CLIP1: variants seen among roughly 807,000 people sequenced by gnomAD.
CLIP1 encodes CAP-Gly domain containing linker protein 1, also known as CAP-Gly domain-containing linker protein 1.
CLIP1 carries 66 observed loss-of-function variants against 161.6 expected under a neutral mutation model. The ratio of observed to expected loss-of-function variants is 0.41; its 90% CI spans 0.33 to 0.50. The LOEUF (loss-of-function observed/expected upper bound fraction) is 0.50. Ranked by LOEUF, CLIP1 falls within the 20% of genes least tolerant of loss-of-function variation. The pLI is 0.27. For missense variants in CLIP1, 1,376 were observed against 1,702.0 expected, an observed-to-expected ratio of 0.81 and a Z score of 3.37; for synonymous variants, 598 against 626.2, an observed-to-expected ratio of 0.96 and a Z score of 0.67.
chr12:122,345,366 G>T (rs1197738375), intron 10 of CLIP1, among the ~76,000 whole-genome samples: 1 of 151,296 alleles, frequency 6.6e-6, no homozygotes, highest in Non-Finnish European at 1.5e-5. Context: ...TCACCACCTT[G>T]CCCAGGCTGG....
rs139321433 is a variant in CLIP1 at position 122,341,311 on chromosome 12, G to A, written c.1893C>T (p.Ile631=). The change falls in exon 11 of 26, where the codon ATC becomes ATT. Residue 631 remains isoleucine (I), a synonymous_variant. Transcript: ENST00000620786. ...ALWKSKLETA[I]ASHQQAMEEL... Reference sequence around the variant, plus strand: ...CTTCCATCGCCTGCTGGTGGGATGCGATGGCAGTCTCCAGTTTGGACTTCC... The same window carrying A: ...CTTCCATCGCCTGCTGGTGGGATGCAATGGCAGTCTCCAGTTTGGACTTCC... 2.9e-5 allele frequency: 46 copies of A among 1,613,770 alleles called. No individual in the cohort carries two copies. In the East Asian group the frequency reaches 4.5e-4, roughly 16 times the overall value.
chr12:122,327,507 A>C lies in CLIP1; in HGVS notation c.3249+440T>G, dbSNP rs189231519. On this transcript the variant is annotated intron_variant, in intron 17 of 25. Coordinates refer to ENST00000620786, the MANE Select transcript of CLIP1 (RefSeq NM_001247997.2). Reference sequence around the variant, plus strand: ...CTAGAAGAGCTCTGTTCCTCCAACCAGGCTCTCTCTAGTCCTGATTCCTTG... The same window carrying C: ...CTAGAAGAGCTCTGTTCCTCCAACCCGGCTCTCTCTAGTCCTGATTCCTTG... 2.3e-3 allele frequency among the ~76,000 whole-genome samples: 357 copies of C among 152,210 alleles called. 1 individual carries two copies. The highest frequency in any genetic ancestry group is 8.5e-4 in the Non-Finnish European group (58 of 68,012).
In CLIP1 at chr12:122,296,830, C is replaced by T. The variant is rs987855778; in HGVS notation, c.3595-8289G>A. Among the ~76,000 whole-genome samples the T allele has an allele frequency of 3.7e-5, 5 of 135,832 alleles. No homozygotes were observed. In the East Asian group the frequency reaches 6.3e-4, roughly 17 times the overall value. The allele number at this position is 135,832 out of a possible 152,430, so 89.1% of individuals were successfully genotyped here. A position where few individuals can be genotyped will look rare whatever the true frequency, so the allele number is the denominator to read the frequency against. Reference sequence around the variant, plus strand: ...AGTAAGCTATGATCATGCCACTGCACGCTAGCCTGGGTGACAAAGTGAGAC... The same window carrying T: ...AGTAAGCTATGATCATGCCACTGCATGCTAGCCTGGGTGACAAAGTGAGAC... On this transcript the variant is annotated intron_variant, in intron 20 of 25. Coordinates refer to ENST00000620786, the MANE Select transcript of CLIP1 (RefSeq NM_001247997.2).
chr12:122,358,109 C>T (rs2136532837), intron 5 of CLIP1, among the ~76,000 whole-genome samples: 1 of 152,198 alleles, frequency 6.6e-6, no homozygotes, highest in African/African-American at 2.4e-5. Context: ...AATTCTTCTG[C>T]CTTGGGATCC....
chr12:122,413,874 G>GA (rs111689069), intron 1 of CLIP1, among the ~76,000 whole-genome samples: 103 of 135,340 alleles, frequency 7.6e-4, no homozygotes, highest in African/African-American at 8.1e-4. Flanking sequence ...GAGATTAAAA[G>GA]AAAAAAAAAA....
intron 2 of CLIP1, among the ~76,000 whole-genome samples, chr12:122,379,526 C>T (rs1954905663): frequency 6.6e-6 from 1 of 151,736 alleles, no homozygotes; most frequent in African/African-American, 2.4e-5. Flanking sequence ...AGAGCCATGA[C>T]AGTACCACTG....
chr12:122,303,757 T>G (rs761336725), intron 20 of CLIP1, among the ~76,000 whole-genome samples: 11 of 151,978 alleles, frequency 7.2e-5, no homozygotes, highest in Non-Finnish European at 1.2e-4. Flanking sequence ...TGATTGGAGG[T>G]GGTTATGTGA....
intron 21 of CLIP1, among the ~76,000 whole-genome samples, chr12:122,283,231 T>C (rs1334591667): frequency 6.6e-6 from 1 of 152,180 alleles, no homozygotes; most frequent in Non-Finnish European, 1.5e-5. Flanking sequence ...ATGCAAGGCA[T>C]ACCCTGCTTT....
At chr12:122,362,730 G>C (rs1289776464) in intron 4 of CLIP1, among the ~76,000 whole-genome samples, 1 of 27,594 alleles carries the variant, frequency 3.6e-5, no homozygotes, top group Non-Finnish European at 7.5e-5. Flanking sequence ...AAAAAAAAAA[G>C]ATAAAGTACT....
rs148523752 is a variant in CLIP1 at position 122,327,233 on chromosome 12, C to A, written c.3249+714G>T. ...GGCCAAGATGGGAGGACTGCTTGAG[C>A]CCAGGAGTTTGAGACCAGCCTGGGC... On this transcript the variant is annotated intron_variant, in intron 17 of 25. Transcript: ENST00000620786. Among the ~76,000 whole-genome samples the A allele has an allele frequency of 1.6e-3, 250 of 152,118 alleles. No individual in the cohort carries two copies. In the Middle Eastern group the frequency reaches 0.017, roughly 10 times the overall value.
chr12:122,346,110 C>T (rs1952734543), intron 10 of CLIP1, among the ~76,000 whole-genome samples: 1 of 152,136 alleles, frequency 6.6e-6, no homozygotes, highest in South Asian at 2.1e-4. Flanking sequence ...ACGCACAAAA[C>T]AACTTCCATA....
At chr12:122,368,291 A>T (rs1384992252) in intron 3 of CLIP1, among the ~76,000 whole-genome samples, 1 of 152,234 alleles carries the variant, frequency 6.6e-6, no homozygotes, top group Non-Finnish European at 1.5e-5. Context: ...GAAGATTCAG[A>T]CAAGAAATTC....
Position 122,363,942 on chromosome 12 carries a change from G to A in CLIP1, c.782+41C>T, listed in dbSNP as rs191778604. ...GTGAGACTGGCCTGAGCATCGTCAC[G>A]TACAAGAGTGACACAAGATGTTGCA... is the stretch of plus-strand genomic sequence containing the variant. On this transcript the variant is annotated intron_variant, in intron 4 of 25. Coordinates refer to ENST00000620786, the MANE Select transcript of CLIP1 (RefSeq NM_001247997.2). The A allele has an allele frequency of 1.6e-4, 260 of 1,612,812 alleles. No individual in the cohort carries two copies. The African/African-American group carries it at 2.3e-3, about 14-fold the overall frequency.
At chr12:122,353,169 C>T (rs973020182) in intron 7 of CLIP1, among the ~76,000 whole-genome samples, 3 of 151,982 alleles carry the variant, frequency 2.0e-5, no homozygotes, top group African/African-American at 7.3e-5. Context: ...CATGACGAGA[C>T]CTCATCTCCA....
chr12:122,412,255 AG>A (rs972273353), intron 1 of CLIP1, among the ~76,000 whole-genome samples: 21 of 150,972 alleles, frequency 1.4e-4, no homozygotes, highest in African/African-American at 4.6e-4. Flanking sequence ...GTAGAAATGG[AG>A]TTTTGCCATG....
chr12:122,356,393 C>G (rs138526012), intron 5 of CLIP1, among the ~76,000 whole-genome samples: 2 of 152,296 alleles, frequency 1.3e-5, no homozygotes, highest in East Asian at 3.9e-4. Flanking sequence ...GTCCTACAGT[C>G]CTTTCAATAA....
chr12:122,329,261 A>C lies in CLIP1; in HGVS notation c.2868-835T>G, dbSNP rs143612097. ...AGAACTGCTTGAGTCGGGTAGACAG[A>C]GGTTGCAGTGAGCCAAGATCGCATC... On this transcript the variant is annotated intron_variant, in intron 15 of 25. Coordinates refer to ENST00000620786, the MANE Select transcript of CLIP1 (RefSeq NM_001247997.2). Among the ~76,000 whole-genome samples, 559 of 152,266 alleles carry C rather than the reference A, an allele frequency of 3.7e-3. 3 individuals carry two copies. The highest frequency in any genetic ancestry group is 0.012 in the African/African-American group (515 of 41,546).
Position 122,355,370 on chromosome 12 carries a change from G to A in CLIP1, c.1006-58C>T. ...TGATGCTGTCAGAAAAGCGAGGGAG[G>A]CGCGATGCATGCATGGCGGGCATCT... On this transcript the variant is annotated intron_variant, in intron 5 of 25. Transcript: ENST00000620786. The surrounding 1 kb of genome is among the most constrained non-coding windows in gnomAD (Gnocchi z 4.1). 1 of 1,498,372 alleles carries A rather than the reference G, an allele frequency of 6.7e-7. No homozygotes were observed. Among genetic ancestry groups the A allele is most frequent in the Non-Finnish European group, 9.2e-7 (1 of 1,084,436 alleles). The allele number at this position is 1,498,372 out of a possible 1,614,324, so 92.8% of individuals were successfully genotyped here. A position where few individuals can be genotyped will look rare whatever the true frequency, so the allele number is the denominator to read the frequency against.
chr12:122,328,069 T>C lies in CLIP1; in HGVS notation c.3127A>G (p.Ile1043Val). Reference protein sequence around the residue: ...TSETKTKHEEILQNLQKTLLD... With the variant: ...TSETKTKHEEVLQNLQKTLLD... ...AGCGTCTTCTGGAGGTTCTGTAGGA[T>C]TTCTTCATGCTTGGTTTTTGTCTCA... Residue 1043 changes from isoleucine (I) to valine (V), a missense_variant, in exon 17 of 26, where the codon ATC becomes GTC. Around this residue, in one of 6 missense-constraint regions of CLIP1, gnomAD observed 948 missense variants for 1,134.8 expected, o/e 0.84. Coordinates refer to ENST00000620786, the MANE Select transcript of CLIP1 (RefSeq NM_001247997.2). 6.2e-7 allele frequency: 1 copy of C among 1,614,176 alleles called. No individual in the cohort carries two copies. Among genetic ancestry groups the C allele is most frequent in the South Asian group, 1.1e-5 (1 of 91,088 alleles).
Sources: allele counts gnomAD v4.1 joint callset (sites outside exome capture counted in the v4.1 genomes callset), GRCh38; gene constraint gnomAD v4.1.1; regional missense constraint gnomAD v4.1.1; non-coding constraint Gnocchi (gnomAD v3.1); transcripts MANE v1.5; gene names NCBI Gene and HGNC (gene_info 2026-07-23, HGNC 2026-07-21).